The following XKR4 variants were observed in gnomAD, a reference collection of about 807,000 sequenced individuals.
The protein encoded by XKR4 is XK related 4, also known as XK-related protein 4.
Under a neutral mutation model 53.9 loss-of-function variants are expected in XKR4, and 12 were observed. That is an observed-to-expected ratio of 0.22 (90% confidence interval 0.14 to 0.36). The LOEUF (loss-of-function observed/expected upper bound fraction) is 0.36, where lower values mean the gene tolerates loss of function less well. Ranked by LOEUF, XKR4 falls within the 10% of genes least tolerant of loss-of-function variation. The pLI, the probability that XKR4 is intolerant of heterozygous loss-of-function variation, is 1.00. For synonymous variants in XKR4, 354 were observed against 362.4 expected, an observed-to-expected ratio of 0.98 and a Z score of 0.26; for missense variants, 799 against 859.5, an observed-to-expected ratio of 0.93 and a Z score of 0.88.
intron 1 of XKR4, among the ~76,000 whole-genome samples, chr8:55,221,074 G>A (rs1002981456): frequency 6.6e-6 from 1 of 152,176 alleles, no homozygotes; most frequent in Admixed American, 6.5e-5. Context: ...ATCATTGCCA[G>A]CCAAGATTTG....
chr8:55,184,932 A>G (rs1325814799), intron 1 of XKR4, among the ~76,000 whole-genome samples: 1 of 152,174 alleles, frequency 6.6e-6, no homozygotes, highest in Non-Finnish European at 1.5e-5. Flanking sequence ...AAAAGTTATG[A>G]ATATCAATAT....
chr8:55,431,679 C>A (rs1805107349), intron 2 of XKR4, among the ~76,000 whole-genome samples: 1 of 152,230 alleles, frequency 6.6e-6, no homozygotes, highest in Admixed American at 6.5e-5. Flanking sequence ...ACTATCACTA[C>A]ATGCAGTCAT....
rs773603063 is a variant in XKR4 at position 55,524,444 on chromosome 8, G to A, written c.*217G>A. 3.4e-6 allele frequency: 2 copies of A among 584,562 alleles called. No individual in the cohort carries two copies. Among genetic ancestry groups the A allele is most frequent in the East Asian group, 2.9e-5 (1 of 35,028 alleles). 36.2% of individuals were successfully genotyped at this position (584,562 alleles called of 1,614,324 possible). On this transcript the variant is annotated 3_prime_UTR_variant, in exon 3 of 3. Transcript: ENST00000327381. ...CTCTGACTCCACCTGAAAGAATGACGCTGGCTTAATAGGACTCTCCATTGC... is the reference window on the plus strand; with the variant it reads ...CTCTGACTCCACCTGAAAGAATGACACTGGCTTAATAGGACTCTCCATTGC...
chr8:55,250,840 C>G (rs901160726), intron 1 of XKR4, among the ~76,000 whole-genome samples: 1 of 152,146 alleles, frequency 6.6e-6, no homozygotes, highest in Non-Finnish European at 1.5e-5. Flanking sequence ...TTCAAATAAT[C>G]AATGATTCTT....
intron 1 of XKR4, among the ~76,000 whole-genome samples, chr8:55,348,195 A>T (rs993093651): frequency 1.3e-5 from 2 of 152,220 alleles, no homozygotes; most frequent in African/African-American, 4.8e-5. Context: ...AGAGAAAATG[A>T]CAAGGACCGA....
At chr8:55,412,229 A>G (rs1478131550) in intron 2 of XKR4, among the ~76,000 whole-genome samples, 1 of 152,072 alleles carries the variant, frequency 6.6e-6, no homozygotes, top group African/African-American at 2.4e-5. Flanking sequence ...CCGTTTACCA[A>G]GCCCCGGTGC....
intron 2 of XKR4, among the ~76,000 whole-genome samples, chr8:55,497,061 G>T (rs1485424953): frequency 6.6e-6 from 1 of 152,168 alleles, no homozygotes; most frequent in African/African-American, 2.4e-5. Flanking sequence ...ATTCAGGAGA[G>T]ATTCATGCTG....
chr8:55,143,662 AAC>A (rs1163145429), intron 1 of XKR4, among the ~76,000 whole-genome samples: 3 of 152,210 alleles, frequency 2.0e-5, no homozygotes, highest in Admixed American at 2.0e-4. Context: ...TGAGATATGA[AAC>A]ACACACACTT....
At chr8:55,230,815 C>T (rs1179769848) in intron 1 of XKR4, among the ~76,000 whole-genome samples, 1 of 152,180 alleles carries the variant, frequency 6.6e-6, no homozygotes, top group Admixed American at 6.5e-5. Flanking sequence ...TGTTCTGGTT[C>T]CTTGACTGGT....
chr8:55,333,445 C>G (rs1803408168), intron 1 of XKR4, among the ~76,000 whole-genome samples: 1 of 152,086 alleles, frequency 6.6e-6, no homozygotes, highest in African/African-American at 2.4e-5. Flanking sequence ...CATGCCTCTA[C>G]CTTGGGCCTA....
chr8:55,147,180 A>G (rs566623466), intron 1 of XKR4, among the ~76,000 whole-genome samples: 81 of 152,356 alleles, frequency 5.3e-4, no homozygotes, highest in Admixed American at 2.3e-3. Context: ...AAACAGGTAT[A>G]TAAGAAAATC....
rs77547123 is a variant in XKR4, at chr8:55,520,879, T to A, written c.1007-2402T>A. On this transcript the variant is annotated intron_variant, in intron 2 of 2. Transcript: ENST00000327381. ...AGGCTAATGTTTCTATTCTTTTAAATCTGACAACAGATCATATCATCATTT... is the reference window on the plus strand; with the variant it reads ...AGGCTAATGTTTCTATTCTTTTAAAACTGACAACAGATCATATCATCATTT... 72 of 152,400 alleles carry A rather than the reference T, an allele frequency of 4.7e-4. No homozygotes were observed. In the East Asian group the frequency reaches 0.012, roughly 26 times the overall value. The allele number at this position is 152,400 out of a possible 1,614,324, so 9.4% of individuals were successfully genotyped here.
intron 1 of XKR4, among the ~76,000 whole-genome samples, chr8:55,149,523 T>C (rs1308278187): frequency 6.6e-6 from 1 of 152,144 alleles, no homozygotes; most frequent in Non-Finnish European, 1.5e-5. Flanking sequence ...AGAAAAAGTT[T>C]AAATTTATAC....
chr8:55,457,988 C>G (rs1033037376), intron 2 of XKR4, among the ~76,000 whole-genome samples: 2 of 152,054 alleles, frequency 1.3e-5, no homozygotes, highest in African/African-American at 4.8e-5. Flanking sequence ...ATTTAAAGAT[C>G]TAAATGAAAG....
intron 1 of XKR4, among the ~76,000 whole-genome samples, chr8:55,255,657 A>C (rs1200395744): frequency 6.6e-6 from 1 of 152,184 alleles, no homozygotes; most frequent in Non-Finnish European, 1.5e-5. Flanking sequence ...ACACATACAA[A>C]TGTACAAGAA....
chr8:55,235,874 C>T (rs908749500), intron 1 of XKR4, among the ~76,000 whole-genome samples: 2 of 152,184 alleles, frequency 1.3e-5, no homozygotes, highest in Non-Finnish European at 2.9e-5. Context: ...ATAACCAACT[C>T]ACTTTAATTA....
chr8:55,523,138 T>C, intron 2 of XKR4, 143 bp from the exon 3 acceptor site: 1 of 692,680 alleles, frequency 1.4e-6, no homozygotes, highest in Non-Finnish European at 2.2e-6. Flanking sequence ...CGAGACTCTG[T>C]CTCAAAAAAA....
chr8:55,455,846 A>C (rs773704664), intron 2 of XKR4, among the ~76,000 whole-genome samples: 2 of 152,192 alleles, frequency 1.3e-5, no homozygotes, highest in Non-Finnish European at 2.9e-5. Context: ...TAGGAGCTTT[A>C]TGGGTTCAAG....
chr8:55,418,153 G>T (rs1439516052), intron 2 of XKR4, among the ~76,000 whole-genome samples: 3 of 152,056 alleles, frequency 2.0e-5, no homozygotes, highest in Admixed American at 2.0e-4. Context: ...ATTAAGGCAA[G>T]GGGGTGAGAC....
Sources: allele counts gnomAD v4.1 joint callset (sites outside exome capture counted in the v4.1 genomes callset), GRCh38; gene constraint gnomAD v4.1.1; transcripts MANE v1.5; gene names NCBI Gene and HGNC (gene_info 2026-07-23, HGNC 2026-07-21).